Variants in ZNF106 observed in about 807,000 individuals in gnomAD.
ZNF106 encodes the protein SH3-domain binding protein 3.
In ZNF106, 67 loss-of-function variants were observed where a neutral mutation model predicts 195.1. That is an observed-to-expected ratio of 0.34 (90% confidence interval 0.28 to 0.42). The LOEUF is 0.42. Ranked by LOEUF, ZNF106 falls within the 10% of genes least tolerant of loss-of-function variation. ZNF106 has a pLI of 1.00. For missense variants in ZNF106, 2,118 were observed against 2,304.5 expected, an observed-to-expected ratio of 0.92 and a Z score of 1.66; for synonymous variants, 784 against 818.6, an observed-to-expected ratio of 0.96 and a Z score of 0.72.
intron 3 of ZNF106, among the ~76,000 whole-genome samples, chr15:42,461,174 G>T (rs1259921157): frequency 6.6e-6 from 1 of 152,146 alleles, no homozygotes; most frequent in Non-Finnish European, 1.5e-5. Flanking sequence ...TACACAACAG[G>T]CATTCATGCT....
intron 3 of ZNF106, among the ~76,000 whole-genome samples, chr15:42,463,631 A>C (rs2056446047): frequency 6.6e-6 from 1 of 152,164 alleles, no homozygotes; most frequent in South Asian, 2.1e-4. Flanking sequence ...TTTACAAAAA[A>C]TAAAAGCCAA....
At chr15:42,479,304 G>A (rs2056851280) in intron 1 of ZNF106, among the ~76,000 whole-genome samples, 1 of 152,028 alleles carries the variant, frequency 6.6e-6, no homozygotes, top group Non-Finnish European at 1.5e-5. Context: ...AACCCAGGAG[G>A]CAGAGGTTGC....
rs751064648 is a variant in ZNF106, at chr15:42,451,688, G to C, written c.584C>G (p.Ser195Trp). The change falls in exon 5 of 22, where the codon TCG becomes TGG. Residue 195 changes from serine to tryptophan, a missense_variant. By Grantham distance (177) the Ser-to-Trp change is radical. Transcript: ENST00000564754. ...GWHKGVAGGS[S>W]TWFHNHSNSG... is the part of the protein sequence containing the mutation. ...ATTACTATGGTTGTGAAACCAAGTC[G>C]AGGAGCCTCCTGCAACACCCTTATG... is the stretch of plus-strand genomic sequence containing the variant. The C allele has an allele frequency of 1.2e-6, 2 of 1,614,174 alleles. No homozygotes were observed. Among genetic ancestry groups the C allele is most frequent in the Admixed American group, 1.7e-5 (1 of 60,016 alleles).
chr15:42,472,304 A>C lies in ZNF106; in HGVS notation c.-15T>G. ...TCTCGTACCATAGTGACCAGATCTG[A>C]AGCACTCAACGTCACAGCTGCAATG... On this transcript the variant is annotated 5_prime_UTR_variant, in exon 2 of 22. Transcript: ENST00000564754. 8 of 1,535,166 alleles carry C rather than the reference A, an allele frequency of 5.2e-6. No individual in the cohort carries two copies. Among genetic ancestry groups the C allele is most frequent in the Non-Finnish European group, 7.0e-6 (8 of 1,146,422 alleles).
chr15:42,439,585 G>A lies in ZNF106; in HGVS notation c.3992C>T (p.Thr1331Ile), dbSNP rs781031169. The change falls in exon 11 of 22, where the codon ACC becomes ATC. Residue 1331 changes from threonine (T) to isoleucine (I), a missense_variant. Thr to Ile is a moderately conservative substitution (Grantham distance 89, BLOSUM62 -1). Coordinates refer to ENST00000564754, the MANE Select transcript of ZNF106 (RefSeq NM_001366845.3). ...AAAAGACAATCTTAGAAAAGAACTG[G>A]TACAGGCTTCAGACCCACTATTGCC... Reference protein sequence around the residue: ...TKGNSGSEACTSSFLRLSFAS... With the variant: ...TKGNSGSEACISSFLRLSFAS... 2.5e-6 allele frequency: 4 copies of A among 1,614,180 alleles called. No individual in the cohort carries two copies. The highest frequency in any genetic ancestry group is 1.3e-5 in the African/African-American group (1 of 75,046).
chr15:42,419,864 C>G (rs910864071), intron 20 of ZNF106, among the ~76,000 whole-genome samples: 1 of 152,106 alleles, frequency 6.6e-6, no homozygotes, highest in Non-Finnish European at 1.5e-5. Flanking sequence ...GCAGGAGAAT[C>G]GCTTGAACCA....
intron 9 of ZNF106, among the ~76,000 whole-genome samples, chr15:42,442,786 T>C (rs1184316481): frequency 2.6e-5 from 4 of 151,680 alleles, no homozygotes; most frequent in African/African-American, 4.8e-5. Flanking sequence ...CCAGCTATTA[T>C]TGTTATTATT....
At chr15:42,463,090 G>T (rs557139114) in intron 3 of ZNF106, among the ~76,000 whole-genome samples, 1 of 151,826 alleles carries the variant, frequency 6.6e-6, no homozygotes, top group Non-Finnish European at 1.5e-5. Flanking sequence ...CGAGCACCGC[G>T]GCCGGCCCAA....
In ZNF106 at chr15:42,470,959, G is replaced by GA. The variant is rs910516983; in HGVS notation, c.54+1276dup. On this transcript the variant is annotated intron_variant, in intron 2 of 21. Transcript: ENST00000564754. The stretch of plus-strand genomic sequence containing the variant: ...TCCATCACTAACAGAAATCTAGATA[G>GA]AAAAAAAAATAGTATCCACCCAAGT... Among the ~76,000 whole-genome samples, 739 of 150,998 alleles carry GA rather than the reference G, an allele frequency of 4.9e-3. 9 individuals carry two copies. The highest frequency in any genetic ancestry group is 0.017 in the African/African-American group (690 of 41,218).
rs151052107 is a variant in ZNF106, at chr15:42,465,410, C to A, written c.116+643G>T. Among the ~76,000 whole-genome samples the A allele has an allele frequency of 3.9e-5, 6 of 152,178 alleles. No individual in the cohort carries two copies. The East Asian group carries it at 1.2e-3, about 29-fold the overall frequency. ...CTCCCAACCTTAGCCTCCTAAATAG[C>A]TGGGACCACAGGCTATTAGCTGCCA... is the stretch of plus-strand genomic sequence containing the variant. On this transcript the variant is annotated intron_variant, in intron 3 of 21. Coordinates refer to ENST00000564754, the MANE Select transcript of ZNF106 (RefSeq NM_001366845.3).
Position 42,448,236 on chromosome 15 carries a change from G to C in ZNF106, c.2971C>G (p.Gln991Glu). 1 of 1,614,196 alleles carries C rather than the reference G, an allele frequency of 6.2e-7. No homozygotes were observed. The highest frequency in any genetic ancestry group is 8.5e-7 in the Non-Finnish European group (1 of 1,180,030). Residue 991 changes from glutamine (Q) to glutamate (E), a missense_variant, in exon 6 of 22, where the codon CAG (glutamine) becomes GAG (glutamate). By Grantham distance (29) the Gln-to-Glu change is conservative (BLOSUM62 2). Transcript: ENST00000564754. Reference protein sequence around the residue: ...QERSIPPSENQNSQESNGEGN... With the variant: ...QERSIPPSENENSQESNGEGN... ...TCTCCATTACTCTCCTGGGAATTCT[G>C]ATTCTCTGACGGTGGTATAGACCTC... is the stretch of plus-strand genomic sequence containing the variant.
Position 42,450,044 on chromosome 15 carries a change from C to G in ZNF106, c.2228G>C (p.Ser743Thr). 6.2e-7 allele frequency: 1 copy of G among 1,614,184 alleles called. No homozygotes were observed. The highest frequency in any genetic ancestry group is 1.6e-4 in the Middle Eastern group (1 of 6,062). The change falls in exon 5 of 22, where the codon AGT becomes ACT. Residue 743 changes from serine (S) to threonine (T), a missense_variant. Physicochemically the swap from Ser to Thr is moderately conservative, Grantham distance 58 (BLOSUM62 1). Coordinates refer to ENST00000564754, the MANE Select transcript of ZNF106 (RefSeq NM_001366845.3). ...AAGTGAGGCAGGAAAGCCAAGCTTA[C>G]TTAGTTCAGGCAGGAGAGGGCCCGA... ...QPSGPLLPEL[S>T]KLGFPASLQR... is the part of the protein sequence containing the mutation.
chr15:42,448,476 G>A lies in ZNF106; in HGVS notation c.2731C>T (p.Pro911Ser), dbSNP rs1294553522. The A allele has an allele frequency of 2.3e-5, 37 of 1,614,086 alleles. No homozygotes were observed. The highest frequency in any genetic ancestry group is 3.1e-5 in the Non-Finnish European group (37 of 1,180,012). ...SEEGTGKENEPQQMVSPSNSL... is the reference protein window; with the variant it reads ...SEEGTGKENESQQMVSPSNSL... ...TTACTAGGTGAAACCATCTGCTGGG[G>A]CTCATTTTCTTTGCCTGTACCTTCC... The change falls in exon 6 of 22, where the codon CCC becomes TCC. Residue 911 changes from proline to serine, a missense_variant. Physicochemically the swap from Pro to Ser is moderately conservative, Grantham distance 74. Transcript: ENST00000564754.
chr15:42,436,933 C>G (rs991754861), intron 13 of ZNF106, among the ~76,000 whole-genome samples: 2 of 152,182 alleles, frequency 1.3e-5, no homozygotes, highest in East Asian at 1.9e-4. Flanking sequence ...AACACAGGAC[C>G]CTTCTGTGCT....
intron 1 of ZNF106, among the ~76,000 whole-genome samples, chr15:42,489,490 T>C (rs1417744636): frequency 6.6e-6 from 1 of 152,018 alleles, no homozygotes; most frequent in African/African-American, 2.4e-5. Context: ...TCCAGGCCAT[T>C]TTAAAGTTCT....
In ZNF106 at chr15:42,450,906, G is replaced by A; in HGVS notation, c.1366C>T (p.Pro456Ser). The A allele has an allele frequency of 6.2e-7, 1 of 1,614,134 alleles. No individual in the cohort carries two copies. Among genetic ancestry groups the A allele is most frequent in the Non-Finnish European group, 8.5e-7 (1 of 1,180,024 alleles). ...AASFEVVRQCPTAEKPEQEHT... is the reference protein window; with the variant it reads ...AASFEVVRQCSTAEKPEQEHT... ...TCTTGTTCAGGTTTTTCTGCAGTGG[G>A]GCACTGTCTCACCACCTCGAAGGAA... Residue 456 changes from proline (P) to serine (S), a missense_variant, in exon 5 of 22, where the codon CCC becomes TCC. Coordinates refer to ENST00000564754, the MANE Select transcript of ZNF106 (RefSeq NM_001366845.3).
intron 1 of ZNF106, chr15:42,490,400 C>G (rs1341873856): frequency 6.6e-6 from 1 of 152,080 alleles, no homozygotes; most frequent in Non-Finnish European, 1.5e-5. Flanking sequence ...CTTAATCTTA[C>G]TCTCAAAGAT....
chr15:42,470,318 T>C (rs137937674), intron 2 of ZNF106, among the ~76,000 whole-genome samples: 78 of 152,252 alleles, frequency 5.1e-4, no homozygotes, highest in African/African-American at 1.7e-3. Flanking sequence ...GTTTGGGAAA[T>C]TGGAGACAAG....
intron 4 of ZNF106, among the ~76,000 whole-genome samples, chr15:42,454,720 C>T (rs2056166871): frequency 6.7e-6 from 1 of 150,338 alleles, no homozygotes; most frequent in African/African-American, 2.5e-5. Flanking sequence ...CCCATCTCTA[C>T]CAAAAATAAA....
Sources: allele counts gnomAD v4.1 joint callset (sites outside exome capture counted in the v4.1 genomes callset), GRCh38; gene constraint gnomAD v4.1.1; transcripts MANE v1.5; gene names NCBI Gene and HGNC (gene_info 2026-07-23, HGNC 2026-07-21).